RIMKLB: variants seen among roughly 807,000 people sequenced by gnomAD.
RIMKLB encodes ribosomal modification protein rimK like family member B, also known as beta-citrylglutamate synthase B.
Under a neutral mutation model 32.0 loss-of-function variants are expected in RIMKLB, and 7 were observed. The observed-to-expected ratio is 0.22, with a 90% CI of 0.12 to 0.41. The LOEUF is 0.41. Ranked by LOEUF, RIMKLB falls within the 10% of genes least tolerant of loss-of-function variation. The probability of loss-of-function intolerance (pLI) is 1.00; values close to 1 mark genes in which losing one functional copy is unlikely to be tolerated. For synonymous variants in RIMKLB, 172 were observed against 185.1 expected, an observed-to-expected ratio of 0.93 and a Z score of 0.57; for missense variants, 289 against 498.7, an observed-to-expected ratio of 0.58 and a Z score of 4.00.
At chr12:8,728,071 T>G (rs1946200535) in intron 2 of RIMKLB, among the ~76,000 whole-genome samples, 1 of 152,200 alleles carries the variant, frequency 6.6e-6, no homozygotes, top group African/African-American at 2.4e-5. Context: ...CATTTTGGTA[T>G]CTGTGGGGGA....
chr12:8,730,558 C>T (rs192361742), intron 2 of RIMKLB, among the ~76,000 whole-genome samples: 170 of 152,298 alleles, frequency 1.1e-3, no homozygotes, highest in African/African-American at 3.7e-3. Context: ...TTAGGTGAAA[C>T]AGACCAGACC....
downstream of RIMKLB, chr12:8,777,790 A>T (rs1950820433): frequency 1.2e-6 from 1 of 830,328 alleles, no homozygotes; most frequent in African/African-American, 1.8e-5. Context: ...GCACAGCCCC[A>T]GTCTGCCTAC....
chr12:8,776,414 AGGTTAAACTT>A lies in RIMKLB; in HGVS notation c.*2631_*2640del. 1 of 963,312 alleles carries A rather than the reference AGGTTAAACTT, an allele frequency of 1.0e-6. No individual in the cohort carries two copies. Among genetic ancestry groups the A allele is most frequent in the Non-Finnish European group, 1.2e-6 (1 of 809,790 alleles). 59.7% of individuals were successfully genotyped at this position (963,312 alleles called of 1,614,324 possible). A position where few individuals can be genotyped will look rare whatever the true frequency, so the allele number is the denominator to read the frequency against. On this transcript the variant is annotated 3_prime_UTR_variant, in exon 6 of 6. Transcript: ENST00000535829. ...AGGAAACAAACAGCAGCAGATATTT[AGGTTAAACTT>A]ATTTTCATAATTGTTTAATAACTTT...
chr12:8,676,798 C>T (rs890796531), upstream of RIMKLB, among the ~76,000 whole-genome samples: 44 of 152,188 alleles, frequency 2.9e-4, no homozygotes, highest in African/African-American at 9.6e-4. Flanking sequence ...CCATAGGCAC[C>T]TTGAGTCAGA....
upstream of RIMKLB, among the ~76,000 whole-genome samples, chr12:8,693,576 T>C (rs1942794054): frequency 6.6e-6 from 1 of 151,874 alleles, no homozygotes; most frequent in African/African-American, 2.4e-5. Context: ...TTTATATTTT[T>C]AATAGAGATG....
chr12:8,697,487 GT>G (rs1372769064), upstream of RIMKLB, among the ~76,000 whole-genome samples: 2 of 152,102 alleles, frequency 1.3e-5, no homozygotes, highest in Non-Finnish European at 2.9e-5. Flanking sequence ...TCGTGTCGGG[GT>G]TCCAGGCGCA....
chr12:8,716,116 G>A (rs1944806578), intron 2 of RIMKLB, among the ~76,000 whole-genome samples: 1 of 152,160 alleles, frequency 6.6e-6, no homozygotes. Context: ...GAAAACCAAA[G>A]GTTACAGCCA....
In RIMKLB at chr12:8,774,904, A is replaced by ATGTGTTTTGCTT. The variant is rs2138325135; in HGVS notation, c.*1122_*1133dup. 2 of 985,706 alleles carry ATGTGTTTTGCTT rather than the reference A, an allele frequency of 2.0e-6. No homozygotes were observed. Among genetic ancestry groups the ATGTGTTTTGCTT allele is most frequent in the Non-Finnish European group, 2.4e-6 (2 of 829,870 alleles). The allele number at this position is 985,706 out of a possible 1,614,324, so 61.1% of individuals were successfully genotyped here. ...TATGTGTGTGCACGCATGCATGTGT[A>ATGTGTTTTGCTT]TGTGTTTTGCTTTTTGTTTCCATCA... On this transcript the variant is annotated 3_prime_UTR_variant, in exon 6 of 6. Coordinates refer to ENST00000535829, the MANE Select transcript of RIMKLB (RefSeq NM_001297776.2).
At chr12:8,733,340 C>G (rs1474602071) in intron 2 of RIMKLB, among the ~76,000 whole-genome samples, 1 of 151,178 alleles carries the variant, frequency 6.6e-6, no homozygotes, top group African/African-American at 2.4e-5. Context: ...AAAACCTTTG[C>G]TCAGATCATT....
In RIMKLB at chr12:8,753,910, C is replaced by G. The variant is rs778474066; in HGVS notation, c.514C>G (p.Arg172Gly). The change falls in exon 5 of 6, where the codon CGA becomes GGA. Residue 172 changes from arginine to glycine, a missense_variant. Transcript: ENST00000535829. ...CATAGGTAAAGCTGTTTTCTTGGCT[C>G]GAGATAAGCACCATTTGGCTGATCT... ...GHRGKAVFLA[R>G]DKHHLADLSH... 1.2e-6 allele frequency: 2 copies of G among 1,613,746 alleles called. No individual in the cohort carries two copies. Among genetic ancestry groups the G allele is most frequent in the South Asian group, 1.1e-5 (1 of 91,070 alleles).
the RIMKLB span, among the ~76,000 whole-genome samples, chr12:8,673,513 G>A: frequency 2.0e-5 from 3 of 152,154 alleles, no homozygotes; most frequent in East Asian, 5.8e-4. Flanking sequence ...GGTGCTAGCT[G>A]CCAGTGGGAA....
intron 2 of RIMKLB, among the ~76,000 whole-genome samples, chr12:8,727,934 A>G (rs1320562024): frequency 1.3e-5 from 2 of 151,930 alleles, no homozygotes; most frequent in African/African-American, 4.8e-5. Flanking sequence ...TTTTGAACAC[A>G]TGATGAAATA....
intron 4 of RIMKLB, 58 bp downstream of exon 4, chr12:8,752,101 T>A: frequency 9.2e-7 from 1 of 1,083,808 alleles, no homozygotes. Context: ...CTTATTAATA[T>A]GGAGTGACTT....
At position 8,774,519 on chromosome 12, in the gene RIMKLB, T is replaced by G; in HGVS notation, c.*735T>G. 1.0e-6 allele frequency: 1 copy of G among 982,764 alleles called. No individual in the cohort carries two copies. Among genetic ancestry groups the G allele is most frequent in the Non-Finnish European group, 1.2e-6 (1 of 827,178 alleles). The allele number at this position is 982,764 out of a possible 1,614,324, so 60.9% of individuals were successfully genotyped here. A position where few individuals can be genotyped will look rare whatever the true frequency, so the allele number is the denominator to read the frequency against. On this transcript the variant is annotated 3_prime_UTR_variant, in exon 6 of 6. Coordinates refer to ENST00000535829, the MANE Select transcript of RIMKLB (RefSeq NM_001297776.2). ...ACTAGTTTAAAATATGTGCATTCAC[T>G]TGTATTTGTTAGTGTTTTAGTCTTT...
chr12:8,703,427 A>T (rs1037190530), intron 1 of RIMKLB, among the ~76,000 whole-genome samples: 1 of 152,206 alleles, frequency 6.6e-6, no homozygotes, highest in Non-Finnish European at 1.5e-5. Context: ...TTCTAGGCTC[A>T]AGCGAACCCC....
At chr12:8,752,328 G>A (rs149037837) in intron 4 of RIMKLB, among the ~76,000 whole-genome samples, 1,981 of 152,254 alleles carry the variant, frequency 0.013, 47 homozygotes, top group African/African-American at 0.045. Context: ...TAAGGCAGGC[G>A]GATCGCCTGA....
intron 5 of RIMKLB, among the ~76,000 whole-genome samples, chr12:8,766,469 G>T (rs975095332): frequency 6.6e-6 from 1 of 152,142 alleles, no homozygotes; most frequent in African/African-American, 2.4e-5. Context: ...CAGTTCTTAG[G>T]CAAATTTGTT....
intron 1 of RIMKLB, among the ~76,000 whole-genome samples, chr12:8,701,318 T>A (rs1430588884): frequency 6.6e-6 from 1 of 152,210 alleles, no homozygotes; most frequent in Non-Finnish European, 1.5e-5. Context: ...ATTTTAGATT[T>A]ATATGCCATA....
intron 1 of RIMKLB, among the ~76,000 whole-genome samples, chr12:8,682,976 T>C (rs1348409364): frequency 6.6e-6 from 1 of 151,956 alleles, no homozygotes; most frequent in African/African-American, 2.4e-5. Context: ...AGTTTTGGGT[T>C]TTTCCTGAAT....
Sources: gnomAD v4.1 joint callset for allele counts (sites outside exome capture counted in the v4.1 genomes callset) on GRCh38, gnomAD v4.1.1 for gene constraint, MANE v1.5 for transcripts, NCBI Gene and HGNC (gene_info 2026-07-23, HGNC 2026-07-21) for gene names.